The following AFDN variants were observed in gnomAD, a reference collection of about 807,000 sequenced individuals.
AFDN encodes the protein afadin.
A neutral mutation model predicts 216.6 loss-of-function variants in AFDN; 68 were observed. The ratio of observed to expected loss-of-function variants is 0.31; its 90% CI spans 0.26 to 0.38. The LOEUF is 0.38. AFDN is among the 10% of genes least tolerant of loss of function. AFDN has a pLI of 1.00. For missense variants in AFDN, 2,136 were observed against 2,342.0 expected (o/e 0.91, Z 1.82); for synonymous variants, 868 against 853.7 (o/e 1.02, Z -0.29).
Position 167,922,924 on chromosome 6 carries a change from T to C in AFDN, c.2977T>C (p.Tyr993His). The C allele has an allele frequency of 6.2e-7, 1 of 1,613,206 alleles. No individual in the cohort carries two copies. The change falls in exon 22 of 34, where the codon TAT (tyrosine) becomes CAT (histidine). Residue 993 changes from tyrosine (Y) to histidine (H), a missense_variant. Physicochemically the swap from Tyr to His is moderately conservative, Grantham distance 83. Around this residue, in one of 8 missense-constraint regions of AFDN, gnomAD observed 162 missense variants for 182.6 expected, o/e 0.89. Transcript: ENST00000683244. Reference protein sequence around the residue: ...TWTIYFEGADYESHLLRENTE... With the variant: ...TWTIYFEGADHESHLLRENTE... ...GACAATATATTTTGAAGGTGCAGAT[T>C]ATGAAAGTCACCTTCTGCGTGAGAA...
intron 23 of AFDN, among the ~76,000 whole-genome samples, chr6:167,938,997 A>G (rs1031855104): frequency 6.6e-6 from 1 of 152,202 alleles, no homozygotes; most frequent in African/African-American, 2.4e-5. Flanking sequence ...TATGATTTTA[A>G]AAAGGGAGTT....
rs558149135 is a variant in AFDN at position 167,867,515 on chromosome 6, C to T, written c.301+2769C>T. Among the ~76,000 whole-genome samples, 17 of 151,548 alleles carry T rather than the reference C, an allele frequency of 1.1e-4. No homozygotes were observed. The South Asian group carries it at 1.9e-3, about 17-fold the overall frequency. ...CATGATCTTGGCTCACGGCAACCTC[C>T]GCCTCCCGGGTTCACGCGATTCTCC... On this transcript the variant is annotated intron_variant, in intron 2 of 33. Transcript: ENST00000683244.
chr6:167,957,652 G>A lies in AFDN; in HGVS notation c.4834-4781G>A, dbSNP rs191837584. Among the ~76,000 whole-genome samples the A allele has an allele frequency of 5.9e-5, 9 of 152,278 alleles. No individual in the cohort carries two copies. The East Asian group carries it at 7.7e-4, about 13-fold the overall frequency. ...GGCAAATCCAGGACACCTGGAATTCGTCAGGATGTCTGCTTTCTCCTGGCA... is the reference window on the plus strand; with the variant it reads ...GGCAAATCCAGGACACCTGGAATTCATCAGGATGTCTGCTTTCTCCTGGCA... On this transcript the variant is annotated intron_variant, in intron 30 of 33. Coordinates refer to ENST00000683244, the MANE Select transcript of AFDN (RefSeq NM_001386888.1).
rs1421366016 is a variant in AFDN at position 167,902,314 on chromosome 6, C to G, written c.1581-3C>G. On this transcript the variant is annotated splice_polypyrimidine_tract_variant and splice_region_variant and intron_variant, in intron 11 of 33. Transcript: ENST00000683244. ...CAGTGTGTTTCTTGTTTTATCCCATCAGAATTGTTCAGGAGACAACTTTTG... is the reference window on the plus strand; with the variant it reads ...CAGTGTGTTTCTTGTTTTATCCCATGAGAATTGTTCAGGAGACAACTTTTG... The G allele has an allele frequency of 6.2e-7, 1 of 1,609,124 alleles. No homozygotes were observed. Among genetic ancestry groups the G allele is most frequent in the East Asian group, 2.2e-5 (1 of 44,752 alleles).
intron 32 of AFDN, chr6:167,968,339 A>G (rs1406486797): frequency 6.6e-6 from 1 of 152,256 alleles, no homozygotes; most frequent in Non-Finnish European, 1.5e-5. Flanking sequence ...GGTGCAGTGC[A>G]GAGAGGCGCC....
intron 1 of AFDN, among the ~76,000 whole-genome samples, chr6:167,829,896 T>C (rs1779638633): frequency 6.6e-6 from 1 of 152,216 alleles, no homozygotes; most frequent in South Asian, 2.1e-4. Context: ...GCTTTTTCCT[T>C]TGTATTCACA....
At chr6:167,950,911 G>T (rs1236836757) in intron 29 of AFDN, among the ~76,000 whole-genome samples, 2 of 149,490 alleles carry the variant, frequency 1.3e-5, no homozygotes, top group Non-Finnish European at 3.0e-5. Flanking sequence ...TACCCAGGCT[G>T]GTCTCGAACT....
intron 2 of AFDN, among the ~76,000 whole-genome samples, chr6:167,868,832 A>C (rs764381614): frequency 1.4e-5 from 2 of 147,242 alleles, no homozygotes; most frequent in Admixed American, 1.4e-4. Flanking sequence ...GTGCCGTCAC[A>C]GTTCACTGTG....
chr6:167,878,607 G>GTCTCTCTCTCTCTCTGTCTC (rs1785714674), intron 5 of AFDN, among the ~76,000 whole-genome samples: 1 of 149,202 alleles, frequency 6.7e-6, no homozygotes, highest in Admixed American at 6.7e-5. Flanking sequence ...CTCTCTCTCT[G>GTCTCTCTCTCTCTCTGTCTC]TCTCTCTCTC....
At chr6:167,943,894 G>A (rs1286958703) in intron 25 of AFDN, 47 bp from the exon 26 acceptor site, 2 of 1,472,544 alleles carry the variant, frequency 1.4e-6, no homozygotes, top group Admixed American at 1.7e-5. Context: ...TGACAGAGCA[G>A]GCACTGCGTT....
intron 1 of AFDN, among the ~76,000 whole-genome samples, chr6:167,835,902 T>C (rs1780374049): frequency 6.6e-6 from 1 of 152,192 alleles, no homozygotes. Context: ...AAAATATGTG[T>C]GTTCTAAGGT....
intron 29 of AFDN, among the ~76,000 whole-genome samples, chr6:167,949,813 C>T (rs1264398998): frequency 6.6e-6 from 1 of 151,366 alleles, no homozygotes; most frequent in African/African-American, 2.4e-5. Flanking sequence ...GGCATTACGT[C>T]TTCACATTTA....
chr6:167,946,395 CAT>C (rs1239198319), intron 26 of AFDN, among the ~76,000 whole-genome samples: 5 of 152,098 alleles, frequency 3.3e-5, no homozygotes, highest in Admixed American at 2.6e-4. Flanking sequence ...GTCAGGGAAA[CAT>C]ATATATCTTT....
intron 23 of AFDN, among the ~76,000 whole-genome samples, chr6:167,933,708 A>G (rs756246540): frequency 1.3e-5 from 2 of 152,206 alleles, no homozygotes; most frequent in African/African-American, 4.8e-5. Context: ...AAAGAATACT[A>G]TTTTTACCTG....
chr6:167,854,322 AT>A (rs1245492867), intron 1 of AFDN, among the ~76,000 whole-genome samples: 9 of 152,092 alleles, frequency 5.9e-5, no homozygotes, highest in Admixed American at 2.0e-4. Flanking sequence ...GAAACTCTTT[AT>A]CTGTTAAAGA....
Position 167,872,350 on chromosome 6 carries a change from A to T in AFDN, c.551A>T (p.Asp184Val). The T allele has an allele frequency of 6.2e-7, 1 of 1,611,440 alleles. No individual in the cohort carries two copies. Among genetic ancestry groups the T allele is most frequent in the Non-Finnish European group, 8.5e-7 (1 of 1,179,396 alleles). Residue 184 changes from aspartate to valine, a missense_variant, in exon 4 of 34, where the codon GAT becomes GTT. By Grantham distance (152) the Asp-to-Val change is radical. Transcript: ENST00000683244. ...KEALRQASDK[D>V]DRPFQGEDVE... is the part of the protein sequence containing the mutation. ...GCATTGCGACAGGCATCTGATAAAG[A>T]TGATAGACCTTTCCAAGGGGAGGAT...
intron 6 of AFDN, among the ~76,000 whole-genome samples, chr6:167,882,893 A>G (rs1786310985): frequency 6.6e-6 from 1 of 152,142 alleles, no homozygotes; most frequent in South Asian, 2.1e-4. Flanking sequence ...TTTGGGGAGT[A>G]AGGCTGGTGC....
chr6:167,878,089 ATAAAT>A (rs1785614374), intron 5 of AFDN, among the ~76,000 whole-genome samples: 2 of 151,470 alleles, frequency 1.3e-5, no homozygotes, highest in South Asian at 4.2e-4. Flanking sequence ...TTTTTCACTG[ATAAAT>A]TAACAGAATT....
At chr6:167,854,620 G>A (rs950087194) in intron 1 of AFDN, among the ~76,000 whole-genome samples, 1 of 151,754 alleles carries the variant, frequency 6.6e-6, no homozygotes, top group Non-Finnish European at 1.5e-5. Context: ...ACAGTGTGAT[G>A]TATAGATCCA....
Sources: allele counts gnomAD v4.1 joint callset (sites outside exome capture counted in the v4.1 genomes callset), GRCh38; gene constraint gnomAD v4.1.1; regional missense constraint gnomAD v4.1.1; transcripts MANE v1.5; gene names NCBI Gene and HGNC (gene_info 2026-07-23, HGNC 2026-07-21).